RANBP17: variants seen among roughly 807,000 people sequenced by gnomAD.
The protein encoded by RANBP17 is ran-binding protein 17.
In RANBP17, 158 loss-of-function variants were observed where a neutral mutation model predicts 141.2. The observed-to-expected ratio is 1.12, with a 90% CI of 0.98 to 1.28. RANBP17 has a LOEUF of 1.28. RANBP17 is among the 50% of genes most tolerant of loss of function. The pLI, the probability that RANBP17 is intolerant of heterozygous loss-of-function variation, is 0.00. For synonymous variants in RANBP17, 430 were observed against 450.0 expected (o/e 0.96, Z 0.56); for missense variants, 1,438 against 1,290.7 (o/e 1.11, Z -1.75).
chr5:170,985,603 A>T (rs564447918), intron 14 of RANBP17, among the ~76,000 whole-genome samples: 15 of 152,232 alleles, frequency 9.9e-5, no homozygotes, highest in African/African-American at 3.1e-4. Flanking sequence ...TCTTTTGTTC[A>T]TCACCATCTA....
intron 12 of RANBP17, among the ~76,000 whole-genome samples, chr5:170,933,860 C>T (rs1282035480): frequency 3.9e-5 from 6 of 151,996 alleles, no homozygotes; most frequent in Non-Finnish European, 5.9e-5. Flanking sequence ...GGAATAAGTG[C>T]GATGTGGTGC....
At position 171,005,906 on chromosome 5, in the gene RANBP17, AC is replaced by A. The variant is rs1348520924; in HGVS notation, c.1710+37530del. Among the ~76,000 whole-genome samples the A allele has an allele frequency of 3.9e-5, 6 of 152,014 alleles. 1 individual carries two copies. In the South Asian group the frequency reaches 1.0e-3, roughly 26 times the overall value. On this transcript the variant is annotated intron_variant, in intron 14 of 27. Coordinates refer to ENST00000523189, the MANE Select transcript of RANBP17 (RefSeq NM_022897.5). ...CTCAAACAAATTTACAAGAAAAAAA[AC>A]AAACAACCCCATCAAAAAGTAGGCA...
intron 18 of RANBP17, among the ~76,000 whole-genome samples, chr5:171,186,255 G>C (rs1456284287): frequency 6.6e-6 from 1 of 152,126 alleles, no homozygotes; most frequent in Non-Finnish European, 1.5e-5. Flanking sequence ...CATCTACATT[G>C]AAAATCTGTT....
intron 14 of RANBP17, among the ~76,000 whole-genome samples, chr5:171,053,917 ATAT>A (rs1313868863): frequency 3.5e-5 from 2 of 57,592 alleles, no homozygotes; most frequent in East Asian, 1.8e-3. Flanking sequence ...ATATATATAT[ATAT>A]ATATAATTGC....
At chr5:170,931,378 T>A (rs1335516162) in intron 12 of RANBP17, among the ~76,000 whole-genome samples, 1 of 152,232 alleles carries the variant, frequency 6.6e-6, no homozygotes, top group Non-Finnish European at 1.5e-5. Flanking sequence ...TTCACTCTGA[T>A]GGTAGTTTCT....
At chr5:171,168,681 T>G (rs1479126218) in intron 14 of RANBP17, among the ~76,000 whole-genome samples, 3 of 152,164 alleles carry the variant, frequency 2.0e-5, no homozygotes, top group Non-Finnish European at 4.4e-5. Flanking sequence ...CCCAAACATC[T>G]TACAAGCAAC....
intron 14 of RANBP17, among the ~76,000 whole-genome samples, chr5:170,974,346 C>T (rs768484394): frequency 5.3e-5 from 8 of 152,190 alleles, no homozygotes; most frequent in Non-Finnish European, 8.8e-5. Context: ...GTCTTGAACA[C>T]GTCCAAAACT....
In RANBP17 at chr5:171,145,974, A is replaced by G. The variant is rs185134807; in HGVS notation, c.1711-24156A>G. 1.8e-3 allele frequency among the ~76,000 whole-genome samples: 271 copies of G among 152,306 alleles called. 1 individual carries two copies. Among genetic ancestry groups the G allele is most frequent in the Non-Finnish European group, 3.2e-3 (215 of 68,010 alleles). ...GAAGAAGAAAAAACATTTGTTAATC[A>G]CCTGTAATAGGCAATCTCAAACATT... On this transcript the variant is annotated intron_variant, in intron 14 of 27. Transcript: ENST00000523189.
In RANBP17 at chr5:171,175,448, C is replaced by G. The variant is rs183152969; in HGVS notation, c.1865+4162C>G. On this transcript the variant is annotated intron_variant, in intron 16 of 27. Coordinates refer to ENST00000523189, the MANE Select transcript of RANBP17 (RefSeq NM_022897.5). ...TGTTTCTCCACATCCTCTCCAGCAT[C>G]TGTTGTTTCCTGTCTTTTTAATGAT... Among the ~76,000 whole-genome samples the G allele has an allele frequency of 6.9e-3, 1,050 of 152,238 alleles. 49 individuals carry two copies. Among genetic ancestry groups the G allele is most frequent in the Admixed American group, 0.064 (974 of 15,284 alleles).
intron 25 of RANBP17, among the ~76,000 whole-genome samples, chr5:171,287,962 T>G (rs1258263502): frequency 6.6e-6 from 1 of 151,680 alleles, no homozygotes; most frequent in African/African-American, 2.4e-5. Context: ...TTTAGTTATA[T>G]TATTCAGTAT....
chr5:170,963,545 G>C (rs943620614), intron 13 of RANBP17, among the ~76,000 whole-genome samples: 1 of 152,154 alleles, frequency 6.6e-6, no homozygotes, highest in African/African-American at 2.4e-5. Context: ...ATGGACCGGG[G>C]CAGGGGATGG....
intron 5 of RANBP17, among the ~76,000 whole-genome samples, chr5:170,902,864 C>G (rs111285322): frequency 0.027 from 4,094 of 152,298 alleles, 171 homozygotes; most frequent in African/African-American, 0.093. Flanking sequence ...TGCAGAACAG[C>G]AAAGATTGCT....
At chr5:171,216,024 T>C (rs1227444930) in intron 21 of RANBP17, among the ~76,000 whole-genome samples, 2 of 152,204 alleles carry the variant, frequency 1.3e-5, no homozygotes, top group Admixed American at 6.5e-5. Flanking sequence ...TCTTCTAGGA[T>C]TTTTATGGTT....
intron 1 of RANBP17, among the ~76,000 whole-genome samples, chr5:170,874,658 T>G (rs1300999749): frequency 6.6e-6 from 1 of 151,844 alleles, no homozygotes; most frequent in Non-Finnish European, 1.5e-5. Flanking sequence ...CCCTGCTTTT[T>G]TTTTTGCTTT....
chr5:171,025,873 C>T (rs1781202025), intron 14 of RANBP17, among the ~76,000 whole-genome samples: 1 of 152,128 alleles, frequency 6.6e-6, no homozygotes. Context: ...CAGACATGAG[C>T]CACTGTGCCC....
At chr5:170,960,451 T>C (rs1776049045) in intron 13 of RANBP17, among the ~76,000 whole-genome samples, 1 of 152,200 alleles carries the variant, frequency 6.6e-6, no homozygotes, top group African/African-American at 2.4e-5. Flanking sequence ...CTGGCTCTCT[T>C]CACATGTCTC....
intron 16 of RANBP17, among the ~76,000 whole-genome samples, chr5:171,180,310 T>C (rs1760790215): frequency 2.0e-5 from 3 of 152,270 alleles, no homozygotes; most frequent in Admixed American, 6.5e-5. Context: ...GAAAAGACCC[T>C]ATGTTTTAGA....
At chr5:171,240,749 T>C (rs73801181) in intron 22 of RANBP17, among the ~76,000 whole-genome samples, 179 bp from the exon 23 acceptor site, 1,537 of 152,286 alleles carry the variant, frequency 0.01, 24 homozygotes, top group African/African-American at 0.035. Context: ...CCTTTTGTAC[T>C]TCCAGGTAAA....
At chr5:171,029,899 T>C (rs1781449414) in intron 14 of RANBP17, among the ~76,000 whole-genome samples, 1 of 152,104 alleles carries the variant, frequency 6.6e-6, no homozygotes, top group Non-Finnish European at 1.5e-5. Context: ...AAACATTAAT[T>C]TGTTTCATCA....
Sources: gnomAD v4.1 joint callset for allele counts (sites outside exome capture counted in the v4.1 genomes callset) on GRCh38, gnomAD v4.1.1 for gene constraint, MANE v1.5 for transcripts, NCBI Gene and HGNC (gene_info 2026-07-23, HGNC 2026-07-21) for gene names.